Variants in ADGRL3 observed in about 807,000 individuals in gnomAD.
ADGRL3 encodes calcium-independent alpha-latrotoxin receptor 3.
A neutral mutation model predicts 153.5 loss-of-function variants in ADGRL3; 62 were observed. The ratio of observed to expected loss-of-function variants is 0.40; its 90% confidence interval spans 0.33 to 0.50. The LOEUF is 0.50. ADGRL3 is among the 20% of genes least tolerant of loss of function. The pLI is 0.47. For missense variants in ADGRL3, 1,641 were observed against 1,859.4 expected (o/e 0.88, Z 2.16); for synonymous variants, 710 against 672.5 (o/e 1.06, Z -0.86).
intron 1 of ADGRL3, among the ~76,000 whole-genome samples, chr4:61,239,066 T>C (rs897044458): frequency 1.3e-5 from 2 of 152,176 alleles, no homozygotes; most frequent in Non-Finnish European, 2.9e-5. Flanking sequence ...TCATAGTTAC[T>C]CCTTCAAGGA....
At chr4:61,496,792 T>C (rs2098323789) in intron 2 of ADGRL3, among the ~76,000 whole-genome samples, 1 of 148,732 alleles carries the variant, frequency 6.7e-6, no homozygotes. Context: ...ATACAAAAAT[T>C]TAGCCTGGCC....
intron 23 of ADGRL3, among the ~76,000 whole-genome samples, chr4:62,035,381 A>G (rs752828427): frequency 5.3e-5 from 8 of 151,970 alleles, no homozygotes; most frequent in African/African-American, 9.7e-5. Flanking sequence ...CTTTGCCTTT[A>G]TTCCTCATTT....
chr4:62,007,484 A>ATG (rs1553908787), intron 21 of ADGRL3, among the ~76,000 whole-genome samples: 114 of 141,458 alleles, frequency 8.1e-4, no homozygotes, highest in African/African-American at 2.4e-3. Context: ...ATATATATAT[A>ATG]TGTATATATA....
rs752164534 is a variant in ADGRL3 at position 61,634,131 on chromosome 4, C to T, written c.474-42695C>T. ...ACTTGACATCTATTTTACGTACAAT[C>T]CTAAGTTTATTTTATCTTTTGTGTG... On this transcript the variant is annotated intron_variant, in intron 5 of 26. Transcript: ENST00000683033. Among the ~76,000 whole-genome samples the T allele has an allele frequency of 4.6e-5, 7 of 152,084 alleles. 1 individual carries two copies. The highest frequency in any genetic ancestry group is 4.1e-4 in the South Asian group (2 of 4,832).
At chr4:61,946,336 G>T (rs1036363484) in intron 15 of ADGRL3, among the ~76,000 whole-genome samples, 9 of 152,026 alleles carry the variant, frequency 5.9e-5, no homozygotes, top group Non-Finnish European at 1.0e-4. Context: ...CATTTTTCAT[G>T]TGTCTATTGG....
At chr4:61,534,175 T>A (rs2098640857) in intron 4 of ADGRL3, among the ~76,000 whole-genome samples, 1 of 152,184 alleles carries the variant, frequency 6.6e-6, no homozygotes, top group African/African-American at 2.4e-5. Context: ...GCTAGCCAGC[T>A]TTCCCAGCAG....
chr4:61,895,540 A>G (rs1022709174), intron 10 of ADGRL3, among the ~76,000 whole-genome samples, 191 bp from the exon 11 acceptor site: 1 of 152,058 alleles, frequency 6.6e-6, no homozygotes, highest in Non-Finnish European at 1.5e-5. Context: ...TGCTTCAAAC[A>G]TATTGTATGT....
At chr4:61,217,676 T>C (rs890357114) in intron 1 of ADGRL3, among the ~76,000 whole-genome samples, 3 of 152,232 alleles carry the variant, frequency 2.0e-5, no homozygotes, top group Non-Finnish European at 4.4e-5. Flanking sequence ...GTAAGTTCTA[T>C]ACAAATATTG....
At chr4:61,311,051 A>G (rs1218382344) in intron 1 of ADGRL3, among the ~76,000 whole-genome samples, 1 of 152,112 alleles carries the variant, frequency 6.6e-6, no homozygotes, top group Non-Finnish European at 1.5e-5. Flanking sequence ...CTAGGAAAAA[A>G]AAAAATCTAA....
At chr4:61,651,593 T>C (rs2094252563) in intron 5 of ADGRL3, among the ~76,000 whole-genome samples, 1 of 151,724 alleles carries the variant, frequency 6.6e-6, no homozygotes, top group African/African-American at 2.4e-5. Context: ...TTTGTGTGTT[T>C]GTTTTGTTTT....
intron 5 of ADGRL3, among the ~76,000 whole-genome samples, chr4:61,590,369 T>C (rs1295153229): frequency 1.3e-5 from 2 of 152,124 alleles, no homozygotes; most frequent in Non-Finnish European, 2.9e-5. Context: ...TTATATATTT[T>C]AGAGAGTTTT....
intron 2 of ADGRL3, among the ~76,000 whole-genome samples, chr4:61,442,594 A>G (rs1320919145): frequency 6.6e-6 from 1 of 152,114 alleles, no homozygotes; most frequent in Non-Finnish European, 1.5e-5. Context: ...AGTTATGAGG[A>G]GTAGAAGAAA....
At chr4:61,676,000 C>T (rs1266711255) in intron 5 of ADGRL3, among the ~76,000 whole-genome samples, 1 of 151,794 alleles carries the variant, frequency 6.6e-6, no homozygotes, top group Non-Finnish European at 1.5e-5. Flanking sequence ...TTCTACCCTA[C>T]AGCTCCATGG....
intron 19 of ADGRL3, among the ~76,000 whole-genome samples, chr4:61,989,471 A>T (rs535842345): frequency 6.6e-6 from 1 of 152,074 alleles, no homozygotes; most frequent in Non-Finnish European, 1.5e-5. Context: ...TCATCATTCA[A>T]TATGTCTACA....
At chr4:61,947,323 G>A (rs2098929315) in intron 16 of ADGRL3, among the ~76,000 whole-genome samples, 1 of 152,050 alleles carries the variant, frequency 6.6e-6, no homozygotes, top group South Asian at 2.1e-4. Context: ...AATACTTATG[G>A]TGAAAGCATT....
intron 2 of ADGRL3, among the ~76,000 whole-genome samples, chr4:61,432,611 T>TTTC (rs2097375027): frequency 1.4e-5 from 1 of 74,024 alleles, no homozygotes; most frequent in African/African-American, 5.2e-5. Flanking sequence ...TCTTTCTTTC[T>TTTC]TTCTTTCTTT....
chr4:62,049,694 T>C (rs1733095578), intron 25 of ADGRL3, among the ~76,000 whole-genome samples: 1 of 152,138 alleles, frequency 6.6e-6, no homozygotes, highest in South Asian at 2.1e-4. Context: ...GTTAGGAGTA[T>C]GGTTGATACA....
chr4:61,816,422 A>T (rs996066167), intron 9 of ADGRL3, among the ~76,000 whole-genome samples: 4 of 152,130 alleles, frequency 2.6e-5, no homozygotes, highest in Non-Finnish European at 4.4e-5. Flanking sequence ...TTTATTCAGC[A>T]GGTTACTGTC....
intron 2 of ADGRL3, among the ~76,000 whole-genome samples, chr4:61,431,588 A>T (rs544643656): frequency 1.1e-4 from 17 of 152,322 alleles, no homozygotes; most frequent in African/African-American, 2.4e-4. Context: ...GCAGAGAACA[A>T]ACTAAGTATC....
Sources: allele counts gnomAD v4.1 joint callset (sites outside exome capture counted in the v4.1 genomes callset), GRCh38; gene constraint gnomAD v4.1.1; transcripts MANE v1.5; gene names NCBI Gene and HGNC (gene_info 2026-07-23, HGNC 2026-07-21).